Variants in CSMD1 observed in about 807,000 individuals in gnomAD.
The protein encoded by CSMD1 is CUB and Sushi multiple domains 1.
A neutral mutation model predicts 417.5 loss-of-function variants in CSMD1; 213 were observed. The ratio of observed to expected loss-of-function variants is 0.51; its 90% CI spans 0.46 to 0.57. The LOEUF is 0.57. CSMD1 is among the 20% of genes least tolerant of loss of function. The pLI, the probability that CSMD1 is intolerant of heterozygous loss-of-function variation, is 0.00. For synonymous variants in CSMD1, 2,862 were observed against 1,736.8 expected (o/e 1.65, Z -16.11); for missense variants, 6,923 against 4,529.7 (o/e 1.53, Z -15.17).
chr8:3,065,466 A>C (rs1184963764), intron 49 of CSMD1, among the ~76,000 whole-genome samples: 1 of 152,188 alleles, frequency 6.6e-6, no homozygotes, highest in Non-Finnish European at 1.5e-5. Flanking sequence ...TATAGATAGA[A>C]AAATGATAGA....
chr8:3,532,596 G>A (rs537738910), intron 10 of CSMD1, among the ~76,000 whole-genome samples: 50 of 152,194 alleles, frequency 3.3e-4, no homozygotes, highest in African/African-American at 1.0e-3. Flanking sequence ...CATTCATGCC[G>A]TTTGGTGTTA....
intron 16 of CSMD1, 22 bp from the exon 17 acceptor site, chr8:3,396,403 C>G (rs749482188): frequency 2.6e-6 from 4 of 1,513,398 alleles, no homozygotes; most frequent in Non-Finnish European, 3.5e-6. Context: ...TACATCCCAT[C>G]AGAAAAGACA....
intron 7 of CSMD1, among the ~76,000 whole-genome samples, chr8:3,692,261 C>T (rs1475922551): frequency 6.6e-6 from 1 of 152,120 alleles, no homozygotes; most frequent in South Asian, 2.1e-4. Flanking sequence ...CGCTATCCTG[C>T]GATTTCACCA....
chr8:3,956,599 A>C (rs1811965466), intron 5 of CSMD1, among the ~76,000 whole-genome samples: 1 of 152,248 alleles, frequency 6.6e-6, no homozygotes, highest in South Asian at 2.1e-4. Flanking sequence ...TTGCATACAT[A>C]ATCATTAAAT....
Position 4,306,162 on chromosome 8 carries a change from G to C in CSMD1, c.415+113791C>G, listed in dbSNP as rs140260808. ...TAGATTTTTAGAAGAAAGAGTACTG[G>C]TTTAAAACACGCTGAAGTTGTCTGC... On this transcript the variant is annotated intron_variant, in intron 3 of 69. Coordinates refer to ENST00000635120, the MANE Select transcript of CSMD1 (RefSeq NM_033225.6). Among the ~76,000 whole-genome samples the C allele has an allele frequency of 2.8e-3, 427 of 150,332 alleles. 1 individual carries two copies. Among genetic ancestry groups the C allele is most frequent in the African/African-American group, 9.9e-3 (404 of 40,796 alleles).
chr8:3,019,188 G>A (rs1809139125), intron 51 of CSMD1, among the ~76,000 whole-genome samples: 1 of 152,186 alleles, frequency 6.6e-6, no homozygotes, highest in Non-Finnish European at 1.5e-5. Context: ...AAATTGCTGG[G>A]ATTACAGGCG....
chr8:4,044,359 C>G (rs1798040925), intron 3 of CSMD1, among the ~76,000 whole-genome samples: 1 of 152,152 alleles, frequency 6.6e-6, no homozygotes, highest in African/African-American at 2.4e-5. Flanking sequence ...TTAGTATTTA[C>G]TGATAAGAAC....
At chr8:4,819,759 G>C (rs930425327) in intron 1 of CSMD1, among the ~76,000 whole-genome samples, 1 of 152,040 alleles carries the variant, frequency 6.6e-6, no homozygotes, top group African/African-American at 2.4e-5. Context: ...AGAGGGACCT[G>C]GCTGCTTTTC....
intron 2 of CSMD1, among the ~76,000 whole-genome samples, chr8:4,464,873 GTTT>G (rs773895958): frequency 3.9e-5 from 6 of 152,062 alleles, no homozygotes; most frequent in Non-Finnish European, 5.9e-5. Flanking sequence ...AGTTTTATTA[GTTT>G]TTTATTAGTT....
rs552928834 is a variant in CSMD1 at position 3,771,571 on chromosome 8, G to A, written c.819-17529C>T. On this transcript the variant is annotated intron_variant, in intron 5 of 69. Transcript: ENST00000635120. The stretch of plus-strand genomic sequence containing the variant: ...ACCATTGCAGAAACACAGCCCTAGA[G>A]ACCTGGAGAGCCTCAGGGGCAGGGA... 5.9e-5 allele frequency among the ~76,000 whole-genome samples: 9 copies of A among 152,274 alleles called. No individual in the cohort carries two copies. In the South Asian group the frequency reaches 1.9e-3, roughly 32 times the overall value.
rs577452625 is a variant in CSMD1 at position 2,998,064 on chromosome 8, C to G, written c.8324G>C (p.Arg2775Pro). The change falls in exon 54 of 70, where the codon CGA becomes CCA. Residue 2775 changes from arginine (R) to proline (P), a missense_variant. Physicochemically the swap from Arg to Pro is moderately radical, Grantham distance 103 (BLOSUM62 -2). Coordinates refer to ENST00000635120, the MANE Select transcript of CSMD1 (RefSeq NM_033225.6). ...NTGYLLQGVS[R>P]AQCRSNGQWS... ...CTGGCCGTTGCTCCGACACTGGGCTCGAGACACGCCCTGCAGCAAATAGCC... is the reference window on the plus strand; with the variant it reads ...CTGGCCGTTGCTCCGACACTGGGCTGGAGACACGCCCTGCAGCAAATAGCC... 1 of 1,613,818 alleles carries G rather than the reference C, an allele frequency of 6.2e-7. No individual in the cohort carries two copies. The highest frequency in any genetic ancestry group is 1.3e-5 in the African/African-American group (1 of 74,900).
intron 39 of CSMD1, among the ~76,000 whole-genome samples, chr8:3,155,571 G>A (rs539409304): frequency 6.6e-6 from 1 of 151,370 alleles, no homozygotes; most frequent in African/African-American, 2.4e-5. Flanking sequence ...ATTTTACCGT[G>A]TTAGCCAGGA....
At chr8:4,698,597 A>ATTT (rs1239933965) in intron 1 of CSMD1, among the ~76,000 whole-genome samples, 35 of 62,088 alleles carry the variant, frequency 5.6e-4, no homozygotes, top group Admixed American at 1.3e-3. Context: ...AAATGATAGA[A>ATTT]ATTTTTTTTT....
intron 3 of CSMD1, among the ~76,000 whole-genome samples, chr8:4,331,312 G>C (rs1799856177): frequency 6.6e-6 from 1 of 152,124 alleles, no homozygotes; most frequent in Admixed American, 6.5e-5. Context: ...GCTGCACGGT[G>C]GGTGCAAACG....
chr8:4,905,134 C>A (rs921393788), intron 1 of CSMD1, among the ~76,000 whole-genome samples: 1 of 151,960 alleles, frequency 6.6e-6, no homozygotes, highest in Admixed American at 6.6e-5. Flanking sequence ...TTTTAAATGT[C>A]ATAAGGAATG....
chr8:3,960,070 A>C (rs1793139364), intron 5 of CSMD1, among the ~76,000 whole-genome samples: 1 of 152,232 alleles, frequency 6.6e-6, no homozygotes, highest in Non-Finnish European at 1.5e-5. Flanking sequence ...CAGGATGATC[A>C]TCTTATTAGA....
chr8:3,561,617 C>G (rs148233748), intron 10 of CSMD1, among the ~76,000 whole-genome samples: 129 of 152,196 alleles, frequency 8.5e-4, no homozygotes, highest in Non-Finnish European at 1.6e-3. Flanking sequence ...ACTGGTCACT[C>G]CGAAAGTGAG....
intron 3 of CSMD1, among the ~76,000 whole-genome samples, chr8:4,336,070 C>G (rs1215901793): frequency 6.6e-6 from 1 of 152,074 alleles, no homozygotes; most frequent in Non-Finnish European, 1.5e-5. Flanking sequence ...TGATTAAGTT[C>G]CACAAGACAA....
intron 3 of CSMD1, among the ~76,000 whole-genome samples, chr8:4,051,887 C>CCTCCTTTCTTT (rs57805638): frequency 7.5e-6 from 1 of 133,840 alleles, no homozygotes; most frequent in East Asian, 2.2e-4. Context: ...TTTCTTCCTT[C>CCTCCTTTCTTT]CTTCCTTCCT....
Sources: gnomAD v4.1 joint callset for allele counts (sites outside exome capture counted in the v4.1 genomes callset) on GRCh38, gnomAD v4.1.1 for gene constraint, MANE v1.5 for transcripts, NCBI Gene and HGNC (gene_info 2026-07-23, HGNC 2026-07-21) for gene names.